CMTM8: variants seen among roughly 807,000 people sequenced by gnomAD.
The protein encoded by CMTM8 is CKLF-like MARVEL transmembrane domain-containing protein 8.
In CMTM8, 12 loss-of-function variants were observed where a neutral mutation model predicts 18.6. That is an observed-to-expected ratio of 0.65 (90% CI 0.41 to 1.05). The LOEUF (loss-of-function observed/expected upper bound fraction) is 1.05, where lower values mean the gene tolerates loss of function less well. Among genes scored for constraint, CMTM8 ranks in the 50% least tolerant of loss-of-function variants. The probability of loss-of-function intolerance (pLI) is 0.00; values close to 1 mark genes in which losing one functional copy is unlikely to be tolerated. For synonymous variants in CMTM8, 87 were observed against 90.6 expected (o/e 0.96, Z 0.23); for missense variants, 217 against 227.2 (o/e 0.95, Z 0.29).
chr3:32,366,273 AGTTTCTT>A (rs1697033514), intron 2 of CMTM8, among the ~76,000 whole-genome samples: 2 of 152,146 alleles, frequency 1.3e-5, no homozygotes, highest in Non-Finnish European at 2.9e-5. Context: ...GGGAAATAGC[AGTTTCTT>A]GTTTCTTTAG....
chr3:32,313,307 C>T (rs1184888857), intron 1 of CMTM8, among the ~76,000 whole-genome samples: 3 of 152,074 alleles, frequency 2.0e-5, no homozygotes, highest in Non-Finnish European at 2.9e-5. Context: ...AGGGTGGGGC[C>T]TTGGAAATTT....
chr3:32,258,964 T>A, intron 1 of CMTM8: 1 of 338,860 alleles, frequency 3.0e-6, no homozygotes. Flanking sequence ...TCGTTCCACC[T>A]TCTCCTCCAA....
In CMTM8 at chr3:32,268,873, C is replaced by T. The variant is rs183011947; in HGVS notation, c.147+29754C>T. ...ATTCCTTATCTTGCCTTGCCCTTTC[C>T]TTCATCTATTCAAAATTATAACAGG... On this transcript the variant is annotated intron_variant, in intron 1 of 3. Coordinates refer to ENST00000307526, the MANE Select transcript of CMTM8 (RefSeq NM_178868.5). Among the ~76,000 whole-genome samples the T allele has an allele frequency of 6.6e-5, 10 of 152,238 alleles. No individual in the cohort carries two copies. In the East Asian group the frequency reaches 1.9e-3, roughly 29 times the overall value.
Position 32,266,602 on chromosome 3 carries a change from A to G in CMTM8, c.147+27483A>G, listed in dbSNP as rs566365578. On this transcript the variant is annotated intron_variant, in intron 1 of 3. Transcript: ENST00000307526. The stretch of plus-strand genomic sequence containing the variant: ...CAACATAGTGTTGGAAGTTCTGGCC[A>G]GGGCAATCAGGCAGGAGAAGGAAAT... Among the ~76,000 whole-genome samples the G allele has an allele frequency of 1.3e-4, 20 of 152,354 alleles. No individual in the cohort carries two copies. The South Asian group carries it at 3.5e-3, about 27-fold the overall frequency.
intron 1 of CMTM8, among the ~76,000 whole-genome samples, chr3:32,339,120 G>A (rs554772938): frequency 1.3e-5 from 2 of 152,292 alleles, no homozygotes; most frequent in African/African-American, 4.8e-5. Context: ...TTCATCAAAA[G>A]CAAGTCAGTA....
intron 1 of CMTM8, among the ~76,000 whole-genome samples, chr3:32,264,120 A>G (rs1304790054): frequency 1.3e-5 from 2 of 152,330 alleles, no homozygotes; most frequent in East Asian, 3.9e-4. Context: ...ATACTCCTTG[A>G]GAAGAGCAAC....
intron 1 of CMTM8, among the ~76,000 whole-genome samples, chr3:32,275,040 G>C (rs1382689126): frequency 6.6e-6 from 1 of 152,188 alleles, no homozygotes; most frequent in Admixed American, 6.5e-5. Context: ...GTCTCACTCA[G>C]TCGCCCTGGC....
At chr3:32,258,256 TCTCACTG>T (rs755238683) in intron 1 of CMTM8, among the ~76,000 whole-genome samples, 37 of 152,172 alleles carry the variant, frequency 2.4e-4, no homozygotes, top group Admixed American at 1.4e-3. Flanking sequence ...TCCAGGAAGT[TCTCACTG>T]CTCCAGACTG....
chr3:32,276,311 G>A (rs1702517942), intron 1 of CMTM8, among the ~76,000 whole-genome samples: 1 of 152,194 alleles, frequency 6.6e-6, no homozygotes, highest in Non-Finnish European at 1.5e-5. Context: ...CACCAAACCA[G>A]AAGCAGCTCC....
intron 2 of CMTM8, among the ~76,000 whole-genome samples, chr3:32,362,575 G>C (rs1010790666): frequency 3.3e-5 from 5 of 152,172 alleles, no homozygotes; most frequent in African/African-American, 1.2e-4. Context: ...TTGGCTCCCA[G>C]TATACACAGA....
chr3:32,253,033 A>T (rs747552335), intron 1 of CMTM8, among the ~76,000 whole-genome samples: 89 of 152,284 alleles, frequency 5.8e-4, no homozygotes, highest in Non-Finnish European at 1.1e-3. Context: ...AGTGCTTTTT[A>T]TTGAGGTGAT....
At chr3:32,339,836 G>A (rs559104688) in intron 1 of CMTM8, among the ~76,000 whole-genome samples, 2 of 152,196 alleles carry the variant, frequency 1.3e-5, no homozygotes, top group African/African-American at 4.8e-5. Flanking sequence ...TGTGGCTGGC[G>A]CCTGTAGTCC....
chr3:32,338,141 G>A (rs957881013), intron 1 of CMTM8, among the ~76,000 whole-genome samples: 5 of 151,836 alleles, frequency 3.3e-5, no homozygotes, highest in Non-Finnish European at 7.4e-5. Flanking sequence ...GTGCCACCAC[G>A]CCCAGCTAAT....
intron 1 of CMTM8, among the ~76,000 whole-genome samples, chr3:32,330,548 ACTGGCATAAAGATAG>A (rs1220110882): frequency 6.6e-6 from 1 of 152,194 alleles, no homozygotes; most frequent in Admixed American, 6.5e-5. Flanking sequence ...ATAGTATGGT[ACTGGCATAAAGATAG>A]ACATATAGAC....
At chr3:32,259,561 G>T in intron 1 of CMTM8, 1 of 840,492 alleles carries the variant, frequency 1.2e-6, no homozygotes, top group Non-Finnish European at 2.1e-6. Flanking sequence ...CTCTCAAGAA[G>T]GAACTGCTCT....
rs1021623993 is a variant in CMTM8, at chr3:32,293,603, T to A, written c.147+54484T>A. Among the ~76,000 whole-genome samples, 10 of 151,964 alleles carry A rather than the reference T, an allele frequency of 6.6e-5. No homozygotes were observed. The East Asian group carries it at 1.8e-3, about 27-fold the overall frequency. ...ACTCACATCTGTAATCCCAGCACTTTGGGAGGCCAAGGCAGGTGGATCACC... is the reference window on the plus strand; with the variant it reads ...ACTCACATCTGTAATCCCAGCACTTAGGGAGGCCAAGGCAGGTGGATCACC... On this transcript the variant is annotated intron_variant, in intron 1 of 3. Transcript: ENST00000307526.
chr3:32,354,388 A>T, intron 1 of CMTM8, among the ~76,000 whole-genome samples: 1 of 152,128 alleles, frequency 6.6e-6, no homozygotes, highest in African/African-American at 2.4e-5. Context: ...TGACAGAGAC[A>T]TTCTTTTTAC....
At chr3:32,274,623 G>A (rs13317353) in intron 1 of CMTM8, among the ~76,000 whole-genome samples, 32,207 of 152,024 alleles carry the variant, frequency 0.21, 3,621 homozygotes, top group East Asian at 0.46. Flanking sequence ...AAGGACAAAA[G>A]TATTCTCCTG....
chr3:32,287,767 A>C (rs1702709496), intron 1 of CMTM8, among the ~76,000 whole-genome samples: 1 of 152,206 alleles, frequency 6.6e-6, no homozygotes, highest in African/African-American at 2.4e-5. Flanking sequence ...GTATTCCCTC[A>C]ACCATATGGA....
Sources: gnomAD v4.1 joint callset for allele counts (sites outside exome capture counted in the v4.1 genomes callset) on GRCh38, gnomAD v4.1.1 for gene constraint, MANE v1.5 for transcripts, NCBI Gene and HGNC (gene_info 2026-07-23, HGNC 2026-07-21) for gene names.